Variants in ATP8B1 observed in about 807,000 individuals in gnomAD.
The protein encoded by ATP8B1 is phospholipid-transporting ATPase IC.
A neutral mutation model predicts 149.9 loss-of-function variants in ATP8B1; 80 were observed. The ratio of observed to expected loss-of-function variants is 0.53; its 90% CI spans 0.45 to 0.64. ATP8B1 has a LOEUF of 0.64. Among genes scored for constraint, ATP8B1 ranks in the 30% least tolerant of loss-of-function variants. The pLI, the probability that ATP8B1 is intolerant of heterozygous loss-of-function variation, is 0.00. For missense variants in ATP8B1, 1,247 were observed against 1,552.6 expected (o/e 0.80, Z 3.31); for synonymous variants, 536 against 562.8 (o/e 0.95, Z 0.67).
Position 57,684,332 on chromosome 18 carries a change from A to G in ATP8B1, c.1474-140T>C, listed in dbSNP as rs116734446. 2.1e-3 allele frequency: 1,941 copies of G among 929,096 alleles called. 41 individuals carry two copies. In the African/African-American group the frequency reaches 0.029, roughly 14 times the overall value. The allele number at this position is 929,096 out of a possible 1,614,324, so 57.6% of individuals were successfully genotyped here. A position where few individuals can be genotyped will look rare whatever the true frequency, so the allele number is the denominator to read the frequency against. Reference sequence around the variant, plus strand: ...TTTTAGCACATTCTTAAATGTCAAGAGGCTCACAACTGTCTTAAATAAAAA... The same window carrying G: ...TTTTAGCACATTCTTAAATGTCAAGGGGCTCACAACTGTCTTAAATAAAAA... On this transcript the variant is annotated intron_variant, in intron 14 of 27. Coordinates refer to ENST00000648908, the MANE Select transcript of ATP8B1 (RefSeq NM_001374385.1).
At chr18:57,695,429 T>G (rs201486974) in intron 9 of ATP8B1, 21 bp downstream of exon 9, 15 of 1,605,124 alleles carry the variant, frequency 9.3e-6, no homozygotes, top group Middle Eastern at 1.7e-4. Flanking sequence ...TAAAGCAAAG[T>G]AAGACATGTT....
In ATP8B1 at chr18:57,661,435, T is replaced by C. The variant is rs1209739533; in HGVS notation, c.2446A>G (p.Lys816Glu). 1.2e-6 allele frequency: 2 copies of C among 1,613,682 alleles called. No homozygotes were observed. Among genetic ancestry groups the C allele is most frequent in the East Asian group, 2.2e-5 (1 of 44,872 alleles). The change falls in exon 22 of 28, where the codon AAG (lysine) becomes GAG (glutamate). Residue 816 changes from lysine to glutamate, a missense_variant. Transcript: ENST00000648908. ...TTCAGCTTCAGAATCTTATTTCTCT[T>C]GGTCTTTTTCTCGAGAAGAATTTCA... ...LNEILLEKKT[K>E]RNKILKLKFP...
At chr18:57,786,393 G>C (rs2080410146) in intron 1 of ATP8B1, among the ~76,000 whole-genome samples, 1 of 152,180 alleles carries the variant, frequency 6.6e-6, no homozygotes, top group African/African-American at 2.4e-5. Context: ...ATCTGGAGCA[G>C]GCATCAGAAT....
intron 1 of ATP8B1, among the ~76,000 whole-genome samples, chr18:57,794,476 A>C (rs1388617888): frequency 6.6e-6 from 1 of 151,568 alleles, no homozygotes; most frequent in East Asian, 1.9e-4. Flanking sequence ...AAAAAAAAAA[A>C]AAAAAAAAAG....
intron 1 of ATP8B1, among the ~76,000 whole-genome samples, chr18:57,801,270 ACT>A (rs2080570932): frequency 6.6e-6 from 1 of 152,224 alleles, no homozygotes; most frequent in South Asian, 2.1e-4. Flanking sequence ...AAATACAGCC[ACT>A]GGAAAACGAC....
chr18:57,666,656 C>T (rs1162691189), intron 20 of ATP8B1, among the ~76,000 whole-genome samples: 2 of 151,956 alleles, frequency 1.3e-5, no homozygotes, highest in Admixed American at 6.6e-5. Context: ...CTGCCTCAGC[C>T]TCCCGAGTAG....
At chr18:57,787,092 G>T (rs957288538) in intron 1 of ATP8B1, among the ~76,000 whole-genome samples, 3 of 152,160 alleles carry the variant, frequency 2.0e-5, no homozygotes, top group Admixed American at 2.0e-4. Flanking sequence ...ACAAAATTTT[G>T]AAGACAGGAA....
intron 2 of ATP8B1, among the ~76,000 whole-genome samples, chr18:57,718,648 C>G (rs2079608520): frequency 6.6e-6 from 1 of 152,078 alleles, no homozygotes; most frequent in African/African-American, 2.4e-5. Flanking sequence ...TTGAATTCAA[C>G]AACACATTAA....
chr18:57,738,769 C>T (rs571311852), intron 1 of ATP8B1, among the ~76,000 whole-genome samples: 4 of 152,252 alleles, frequency 2.6e-5, no homozygotes, highest in Admixed American at 6.5e-5. Flanking sequence ...CTGCGAGATC[C>T]CTCTAACTAG....
intron 1 of ATP8B1, among the ~76,000 whole-genome samples, chr18:57,733,337 A>G (rs1393164739): frequency 1.3e-5 from 2 of 152,178 alleles, no homozygotes; most frequent in African/African-American, 4.8e-5. Flanking sequence ...GAATAACAGT[A>G]TTATTGTTAT....
chr18:57,720,000 C>A (rs1011875739), intron 2 of ATP8B1, among the ~76,000 whole-genome samples: 4 of 151,906 alleles, frequency 2.6e-5, no homozygotes, highest in Non-Finnish European at 5.9e-5. Context: ...ACACCTCACA[C>A]GGCAGGGTAT....
chr18:57,702,990 A>G (rs892218405), intron 4 of ATP8B1, among the ~76,000 whole-genome samples: 1 of 152,194 alleles, frequency 6.6e-6, no homozygotes, highest in Non-Finnish European at 1.5e-5. Context: ...AAAATGGTCT[A>G]CTTCCTACAG....
intron 20 of ATP8B1, 41 bp downstream of exon 20, chr18:57,667,051 A>G: frequency 6.6e-7 from 1 of 1,523,224 alleles, no homozygotes; most frequent in Non-Finnish European, 9.1e-7. Context: ...ATTTGCAAAG[A>G]TGAGCTATTA....
chr18:57,710,772 T>C (rs1189884526), intron 2 of ATP8B1, among the ~76,000 whole-genome samples: 1 of 152,022 alleles, frequency 6.6e-6, no homozygotes. Context: ...GTAGCTGGGG[T>C]TACAGGCGCC....
chr18:57,769,223 C>A (rs2080245494), intron 1 of ATP8B1, among the ~76,000 whole-genome samples: 1 of 152,198 alleles, frequency 6.6e-6, no homozygotes, highest in Admixed American at 6.5e-5. Flanking sequence ...GGCCGCCATT[C>A]CCTAGAGCCA....
Position 57,752,612 on chromosome 18 carries a change from C to T in ATP8B1, c.-25-20780G>A, listed in dbSNP as rs145182525. ...GATATAATTCTTATATTTCCCCCTT[C>T]GATAAAGCTTAGTTTAGTTTATTAT... On this transcript the variant is annotated intron_variant, in intron 1 of 27. Transcript: ENST00000648908. Among the ~76,000 whole-genome samples the T allele has an allele frequency of 3.3e-5, 5 of 152,152 alleles. No homozygotes were observed. In the East Asian group the frequency reaches 7.7e-4, roughly 23 times the overall value.
In ATP8B1 at chr18:57,684,994, C is replaced by A; in HGVS notation, c.1473+78G>T. On this transcript the variant is annotated intron_variant, in intron 14 of 27. Transcript: ENST00000648908. ...AGGCAACGAAAGAGTCTTCCCTAGA[C>A]CTTCAAAGGAAGCATGGCCCTGCTG... is the stretch of plus-strand genomic sequence containing the variant. The A allele has an allele frequency of 3.2e-6, 5 of 1,548,486 alleles. No homozygotes were observed. In the Admixed American group the frequency reaches 8.4e-5, roughly 26 times the overall value.
intron 3 of ATP8B1, among the ~76,000 whole-genome samples, chr18:57,706,009 A>G (rs11661641): frequency 0.057 from 8,724 of 152,234 alleles, 387 homozygotes; most frequent in Middle Eastern, 0.13. Context: ...CTGTGGGCAC[A>G]TGCCACCACT....
At chr18:57,761,381 A>C (rs1338123622) in intron 1 of ATP8B1, among the ~76,000 whole-genome samples, 1 of 152,180 alleles carries the variant, frequency 6.6e-6, no homozygotes, top group Non-Finnish European at 1.5e-5. Context: ...TGGCACCACG[A>C]GCAGTACGGC....
Sources: gnomAD v4.1 joint callset for allele counts (sites outside exome capture counted in the v4.1 genomes callset) on GRCh38, gnomAD v4.1.1 for gene constraint, MANE v1.5 for transcripts, NCBI Gene and HGNC (gene_info 2026-07-23, HGNC 2026-07-21) for gene names.